RBFOX1: variants seen among roughly 807,000 people sequenced by gnomAD.
The protein encoded by RBFOX1 is RNA binding protein fox-1 homolog 1.
In RBFOX1, 8 loss-of-function variants were observed where a neutral mutation model predicts 57.7. The observed-to-expected ratio is 0.14, with a 90% CI of 0.08 to 0.25. RBFOX1 has a LOEUF of 0.25. Among genes scored for constraint, RBFOX1 ranks in the 10% least tolerant of loss-of-function variants. The pLI is 1.00. For missense variants in RBFOX1, 611 were observed against 548.5 expected, an observed-to-expected ratio of 1.11 and a Z score of -1.14; for synonymous variants, 326 against 222.4, an observed-to-expected ratio of 1.47 and a Z score of -4.15.
At chr16:5,277,350 A>G (rs1423267379) in intron 1 of RBFOX1, among the ~76,000 whole-genome samples, 3 of 152,186 alleles carry the variant, frequency 2.0e-5, no homozygotes, top group Admixed American at 6.5e-5. Flanking sequence ...TACATTGGGT[A>G]AACTGCTCTG....
At chr16:6,966,841 A>G (rs1041740266) in intron 3 of RBFOX1, among the ~76,000 whole-genome samples, 10 of 150,466 alleles carry the variant, frequency 6.6e-5, no homozygotes, top group African/African-American at 1.2e-4. Context: ...CTATCTATCT[A>G]TCCATCCATC....
chr16:7,089,006 A>G (rs1002930973), intron 4 of RBFOX1, among the ~76,000 whole-genome samples: 2 of 152,122 alleles, frequency 1.3e-5, no homozygotes, highest in African/African-American at 4.8e-5. Flanking sequence ...ATTCTTTGTT[A>G]ATCACATTGG....
At chr16:6,030,804 A>C (rs115411316) in intron 1 of RBFOX1, among the ~76,000 whole-genome samples, 73 of 152,310 alleles carry the variant, frequency 4.8e-4, no homozygotes, top group African/African-American at 1.7e-3. Context: ...TTCCTGGAGC[A>C]CTATTTATGC....
At chr16:5,489,948 T>A (rs2042771367) in intron 2 of RBFOX1, among the ~76,000 whole-genome samples, 1 of 152,178 alleles carries the variant, frequency 6.6e-6, no homozygotes, top group South Asian at 2.1e-4. Flanking sequence ...GCCCAGAGCA[T>A]CTGGAAGGAG....
At chr16:7,116,331 G>T (rs35242358) in intron 4 of RBFOX1, among the ~76,000 whole-genome samples, 2 of 152,074 alleles carry the variant, frequency 1.3e-5, no homozygotes, top group Non-Finnish European at 2.9e-5. Context: ...GTCCTCATGA[G>T]CAGTTCATGA....
intron 3 of RBFOX1, among the ~76,000 whole-genome samples, chr16:6,801,378 C>G (rs920140454): frequency 6.6e-6 from 1 of 152,124 alleles, no homozygotes; most frequent in Non-Finnish European, 1.5e-5. Flanking sequence ...GTAATTGCAT[C>G]TATCTTTATA....
intron 3 of RBFOX1, among the ~76,000 whole-genome samples, chr16:6,925,266 T>G (rs1238052889): frequency 6.6e-6 from 1 of 150,948 alleles, no homozygotes; most frequent in South Asian, 2.1e-4. Flanking sequence ...CCCAAGTAGC[T>G]GGGATTACAG....
intron 1 of RBFOX1, among the ~76,000 whole-genome samples, chr16:6,253,697 G>A (rs202086488): frequency 0.036 from 3,196 of 88,584 alleles, 119 homozygotes; most frequent in African/African-American, 0.087. Context: ...GTGTGTGTGT[G>A]TGTATATATA....
chr16:6,177,279 C>G (rs867190200), intron 1 of RBFOX1, among the ~76,000 whole-genome samples: 2 of 145,632 alleles, frequency 1.4e-5, no homozygotes, highest in Non-Finnish European at 3.0e-5. Flanking sequence ...ATAGCTTTTT[C>G]TTTTTCTGCC....
chr16:5,630,521 C>G (rs1205722456), intron 3 of RBFOX1, among the ~76,000 whole-genome samples: 1 of 152,136 alleles, frequency 6.6e-6, no homozygotes, highest in Non-Finnish European at 1.5e-5. Context: ...GCCCCACCAT[C>G]TGATTACAAA....
chr16:5,465,074 T>C (rs1220403861), intron 1 of RBFOX1, among the ~76,000 whole-genome samples: 1 of 152,152 alleles, frequency 6.6e-6, no homozygotes, highest in Non-Finnish European at 1.5e-5. Flanking sequence ...CCTGGGTGTG[T>C]GTGTGTTTGC....
intron 3 of RBFOX1, among the ~76,000 whole-genome samples, chr16:6,748,307 A>G (rs1448123122): frequency 6.6e-6 from 1 of 152,052 alleles, no homozygotes; most frequent in East Asian, 1.9e-4. Flanking sequence ...AAATACATAC[A>G]CACACATATA....
intron 2 of RBFOX1, among the ~76,000 whole-genome samples, chr16:5,500,898 A>G (rs2043171457): frequency 6.6e-6 from 1 of 152,210 alleles, no homozygotes; most frequent in South Asian, 2.1e-4. Context: ...AACTCCAGAG[A>G]GATGTCATGT....
At chr16:6,125,668 G>T (rs964237263) in intron 1 of RBFOX1, among the ~76,000 whole-genome samples, 3 of 152,188 alleles carry the variant, frequency 2.0e-5, no homozygotes, top group Non-Finnish European at 4.4e-5. Flanking sequence ...GGAGCTGACT[G>T]CAGTCAGCAG....
At chr16:6,426,287 G>C (rs533438497) in intron 2 of RBFOX1, among the ~76,000 whole-genome samples, 1 of 152,064 alleles carries the variant, frequency 6.6e-6, no homozygotes, top group East Asian at 1.9e-4. Context: ...AAAGAGAGAA[G>C]GGTGAAGAAG....
chr16:6,483,720 A>C, intron 2 of RBFOX1: 1 of 1,420,426 alleles, frequency 7.0e-7, no homozygotes, highest in East Asian at 2.7e-5. Flanking sequence ...GGAGTGTGCA[A>C]ATTGACATTT....
At chr16:5,835,754 A>G (rs570110412) in intron 3 of RBFOX1, among the ~76,000 whole-genome samples, 4 of 152,172 alleles carry the variant, frequency 2.6e-5, no homozygotes, top group South Asian at 2.1e-4. Context: ...ATTAAACTCA[A>G]TTTGGCATGT....
chr16:7,589,912 G>GGGGGGTGTGT, intron 7 of RBFOX1, among the ~76,000 whole-genome samples: 1 of 135,054 alleles, frequency 7.4e-6, no homozygotes, highest in South Asian at 2.7e-4. Context: ...GTGTGTGCTG[G>GGGGGGTGTGT]GTGTGTGTGT....
At chr16:6,741,540 G>A (rs143651524) in intron 3 of RBFOX1, among the ~76,000 whole-genome samples, 12 of 151,844 alleles carry the variant, frequency 7.9e-5, no homozygotes, top group East Asian at 3.9e-4. Context: ...TTGGTGGTGC[G>A]CACCTGTAAT....
Sources: gnomAD v4.1 joint callset for allele counts (sites outside exome capture counted in the v4.1 genomes callset) on GRCh38, gnomAD v4.1.1 for gene constraint, MANE v1.5 for transcripts, NCBI Gene and HGNC (gene_info 2026-07-23, HGNC 2026-07-21) for gene names.